Variants in IQCM observed in about 807,000 individuals in gnomAD.
IQCM encodes IQ motif containing M, also known as IQ domain-containing protein M.
A neutral mutation model predicts 57.6 loss-of-function variants in IQCM; 45 were observed. The observed-to-expected ratio is 0.78, with a 90% CI of 0.62 to 1.00. IQCM has a LOEUF of 1.00. IQCM is among the 50% of genes least tolerant of loss of function. The pLI is 0.00. For synonymous variants in IQCM, 148 were observed against 158.9 expected (o/e 0.93, Z 0.51); for missense variants, 468 against 511.6 (o/e 0.91, Z 0.82).
intron 12 of IQCM, among the ~76,000 whole-genome samples, chr4:149,496,157 G>C (rs1742636631): frequency 2.0e-5 from 3 of 152,022 alleles, no homozygotes; most frequent in African/African-American, 7.2e-5. Context: ...GGAGAGTATG[G>C]GGGTGAAATG....
chr4:149,523,182 A>ATCCC (rs1745832239), intron 12 of IQCM, among the ~76,000 whole-genome samples: 2 of 152,078 alleles, frequency 1.3e-5, no homozygotes, highest in Non-Finnish European at 2.9e-5. Flanking sequence ...CTTCTTATAA[A>ATCCC]AGCACTAATC....
intron 12 of IQCM, among the ~76,000 whole-genome samples, chr4:149,485,421 TCTGA>T (rs1741370213): frequency 6.6e-6 from 1 of 151,858 alleles, no homozygotes; most frequent in South Asian, 2.1e-4. Flanking sequence ...TTTTGTCTCC[TCTGA>T]CTGTGTATTT....
intron 9 of IQCM, among the ~76,000 whole-genome samples, chr4:149,577,623 G>A (rs979803568): frequency 2.0e-5 from 3 of 151,858 alleles, no homozygotes; most frequent in Non-Finnish European, 4.4e-5. Context: ...TGCTGTTTTG[G>A]TTACTGTAGC....
At chr4:149,419,010 A>C (rs1214363084) in intron 13 of IQCM, among the ~76,000 whole-genome samples, 2 of 152,164 alleles carry the variant, frequency 1.3e-5, no homozygotes, top group Non-Finnish European at 2.9e-5. Flanking sequence ...CAAATGGAGA[A>C]ACATTCCATG....
intron 5 of IQCM, among the ~76,000 whole-genome samples, chr4:149,693,503 C>T (rs28733968): frequency 0.2 from 29,654 of 152,054 alleles, 3,319 homozygotes; most frequent in South Asian, 0.34. Flanking sequence ...AAATCCCTTC[C>T]ATCCTTTCCC....
intron 8 of IQCM, among the ~76,000 whole-genome samples, chr4:149,592,831 C>A (rs943855830): frequency 1.4e-4 from 22 of 152,066 alleles, no homozygotes; most frequent in African/African-American, 4.3e-4. Context: ...TGTTTTGGTA[C>A]CAGTACCATG....
chr4:149,442,121 C>A (rs1299518054), intron 12 of IQCM, among the ~76,000 whole-genome samples: 1 of 152,154 alleles, frequency 6.6e-6, no homozygotes, highest in African/African-American at 2.4e-5. Context: ...TTTCTAGCTG[C>A]TGCTTGATAA....
At chr4:149,586,453 C>T (rs2149997181) in intron 9 of IQCM, among the ~76,000 whole-genome samples, 1 of 151,678 alleles carries the variant, frequency 6.6e-6, no homozygotes, top group Non-Finnish European at 1.5e-5. Flanking sequence ...ATTATGCCCT[C>T]TCTTTCATTC....
At chr4:149,644,320 C>A (rs1020651194) in intron 7 of IQCM, among the ~76,000 whole-genome samples, 1 of 152,164 alleles carries the variant, frequency 6.6e-6, no homozygotes, top group Non-Finnish European at 1.5e-5. Context: ...CCCCCAAGAG[C>A]TAACGACTTT....
At chr4:149,470,714 T>A (rs981696121) in intron 12 of IQCM, among the ~76,000 whole-genome samples, 1 of 152,152 alleles carries the variant, frequency 6.6e-6, no homozygotes, top group Middle Eastern at 3.2e-3. Context: ...ATTGACCACA[T>A]AGTCGGAAGT....
At chr4:149,582,208 GAGATGCTAAACCAATACAA>G (rs1752252122) in intron 9 of IQCM, among the ~76,000 whole-genome samples, 2 of 149,130 alleles carry the variant, frequency 1.3e-5, no homozygotes, top group Admixed American at 1.3e-4. Context: ...ATCTGAGCCT[GAGATGCTAAACCAATACAA>G]AGAACAAACA....
At chr4:149,527,012 G>A (rs1746227728) in intron 12 of IQCM, among the ~76,000 whole-genome samples, 1 of 152,012 alleles carries the variant, frequency 6.6e-6, no homozygotes, top group Non-Finnish European at 1.5e-5. Context: ...ACAGCAAGAG[G>A]AATTCTAGTT....
chr4:149,506,654 T>C (rs991255272), intron 12 of IQCM, among the ~76,000 whole-genome samples: 1 of 152,146 alleles, frequency 6.6e-6, no homozygotes, highest in Non-Finnish European at 1.5e-5. Context: ...TAAAAAGCCA[T>C]AGTACCAGGT....
At chr4:149,442,650 T>A (rs991519893) in intron 12 of IQCM, among the ~76,000 whole-genome samples, 11 of 152,004 alleles carry the variant, frequency 7.2e-5, no homozygotes, top group Non-Finnish European at 1.5e-4. Flanking sequence ...ATCTTTAACT[T>A]CCATATTTCT....
At chr4:149,379,330 G>A (rs1304546219) in intron 13 of IQCM, among the ~76,000 whole-genome samples, 2 of 152,118 alleles carry the variant, frequency 1.3e-5, no homozygotes, top group African/African-American at 2.4e-5. Context: ...CCAACAGCTT[G>A]CACCCTGCAC....
intron 12 of IQCM, among the ~76,000 whole-genome samples, chr4:149,539,082 G>C (rs985516666): frequency 6.6e-6 from 1 of 152,108 alleles, no homozygotes; most frequent in Middle Eastern, 3.4e-3. Flanking sequence ...CATTATTAGA[G>C]AAATGCAAAT....
chr4:149,674,607 T>C (rs1356641767), intron 7 of IQCM, among the ~76,000 whole-genome samples: 1 of 152,058 alleles, frequency 6.6e-6, no homozygotes, highest in African/African-American at 2.4e-5. Flanking sequence ...GAGTGATGGA[T>C]TGATGCCTAT....
At chr4:149,578,852 G>A (rs1488981435) in intron 9 of IQCM, among the ~76,000 whole-genome samples, 4 of 151,856 alleles carry the variant, frequency 2.6e-5, no homozygotes, top group Admixed American at 6.6e-5. Flanking sequence ...GGCAATCATA[G>A]GCAAAGCCTG....
chr4:149,551,310 G>T (rs565418686), intron 11 of IQCM, among the ~76,000 whole-genome samples: 2 of 152,216 alleles, frequency 1.3e-5, no homozygotes, highest in African/African-American at 4.8e-5. Context: ...TACTGAAAAA[G>T]CTTCTCAGCT....
Sources: gnomAD v4.1 joint callset for allele counts (sites outside exome capture counted in the v4.1 genomes callset) on GRCh38, gnomAD v4.1.1 for gene constraint, MANE v1.5 for transcripts, NCBI Gene and HGNC (gene_info 2026-07-23, HGNC 2026-07-21) for gene names.